PDPN: variants seen among roughly 807,000 people sequenced by gnomAD.
PDPN encodes podoplanin.
In PDPN, 12 loss-of-function variants were observed where a neutral mutation model predicts 23.2. The observed-to-expected ratio is 0.52, with a 90% confidence interval of 0.33 to 0.84. PDPN has a LOEUF of 0.84. PDPN is among the 40% of genes least tolerant of loss of function. The probability of loss-of-function intolerance (pLI) is 0.02; values close to 1 mark genes in which losing one functional copy is unlikely to be tolerated. For synonymous variants in PDPN, 77 were observed against 76.7 expected (o/e 1.00, Z -0.02); for missense variants, 199 against 212.2 (o/e 0.94, Z 0.39).
chr1:13,595,255 C>T (rs1640463827), intron 1 of PDPN, among the ~76,000 whole-genome samples: 2 of 152,164 alleles, frequency 1.3e-5, no homozygotes, highest in African/African-American at 4.8e-5. Context: ...TATCCTGTCC[C>T]TTCCTGATGG....
intron 1 of PDPN, among the ~76,000 whole-genome samples, chr1:13,588,302 C>A (rs1036807815): frequency 3.9e-5 from 6 of 152,054 alleles, no homozygotes; most frequent in African/African-American, 1.4e-4. Flanking sequence ...ATGCCAGATA[C>A]ACAGAGTGTA....
chr1:13,590,790 G>A (rs901802474), intron 1 of PDPN, among the ~76,000 whole-genome samples: 10 of 144,876 alleles, frequency 6.9e-5, no homozygotes, highest in African/African-American at 2.5e-4. Context: ...ATGAATGCTG[G>A]TTGTCAGAAG....
intron 1 of PDPN, among the ~76,000 whole-genome samples, chr1:13,592,543 AT>A (rs34176163): frequency 0.16 from 16,925 of 105,088 alleles, 870 homozygotes; most frequent in East Asian, 0.29. Context: ...TGAAAAGATG[AT>A]TTTTTTTTTT....
chr1:13,595,980 C>T (rs887978801), intron 1 of PDPN: 37 of 712,514 alleles, frequency 5.2e-5, no homozygotes, highest in Middle Eastern at 5.1e-4. Flanking sequence ...GGCAGATCAC[C>T]TGAGGTCAGG....
At chr1:13,596,807 G>T (rs1376023137) in intron 1 of PDPN, among the ~76,000 whole-genome samples, 2 of 152,132 alleles carry the variant, frequency 1.3e-5, no homozygotes, top group African/African-American at 4.8e-5. Context: ...TCTCCTGATT[G>T]CCGGAACCCA....
intron 1 of PDPN, 96 bp downstream of exon 1, chr1:13,584,196 A>G (rs557795298): frequency 2.8e-5 from 43 of 1,535,860 alleles, no homozygotes; most frequent in Admixed American, 5.7e-5. Context: ...GAGGTTGTCC[A>G]GGGGAGCGCG....
chr1:13,614,827 C>T (rs759442497), intron 5 of PDPN: 3 of 518,050 alleles, frequency 5.8e-6, no homozygotes, highest in African/African-American at 1.9e-5. Flanking sequence ...AAAAGGACTA[C>T]ATCTGAAGTT....
chr1:13,587,116 C>T (rs930269812), intron 1 of PDPN, among the ~76,000 whole-genome samples: 8 of 152,174 alleles, frequency 5.3e-5, no homozygotes, highest in African/African-American at 1.9e-4. Flanking sequence ...CACTTTAAGC[C>T]TCTTAAACGT....
chr1:13,587,368 G>A (rs1640207317), intron 1 of PDPN, among the ~76,000 whole-genome samples: 1 of 152,268 alleles, frequency 6.6e-6, no homozygotes, highest in South Asian at 2.1e-4. Flanking sequence ...CACCAGCAAA[G>A]CAATGAACAT....
At position 13,616,121 on chromosome 1, in the gene PDPN, A is replaced by G; in HGVS notation, c.*210A>G. ...TCCTCTAAACATTTGCTGTTCAAAC[A>G]TGTTTTTGAATATACATTCTATAAA... On this transcript the variant is annotated 3_prime_UTR_variant, in exon 6 of 6. Coordinates refer to ENST00000621990, the MANE Select transcript of PDPN (RefSeq NM_006474.5). The G allele has an allele frequency of 1.7e-6, 1 of 593,232 alleles. No homozygotes were observed. Among genetic ancestry groups the G allele is most frequent in the African/African-American group, 1.9e-5 (1 of 53,734 alleles). The allele number at this position is 593,232 out of a possible 1,614,324, so 36.7% of individuals were successfully genotyped here. A position where few individuals can be genotyped will look rare whatever the true frequency, so the allele number is the denominator to read the frequency against.
rs1641115291 is a variant in PDPN, at chr1:13,617,753, A to AT, written c.*1844dup. The AT allele has an allele frequency of 6.6e-6, 1 of 152,140 alleles. No homozygotes were observed. The highest frequency in any genetic ancestry group is 1.9e-4 in the East Asian group (1 of 5,158). The allele number at this position is 152,140 out of a possible 1,614,324, so 9.4% of individuals were successfully genotyped here. A position where few individuals can be genotyped will look rare whatever the true frequency, so the allele number is the denominator to read the frequency against. ...TGAGTTTAAATAACTCATTGTTCAGATTCCTGAACAGGAGTTGGGATAATG... is the reference window on the plus strand; with the variant it reads ...TGAGTTTAAATAACTCATTGTTCAGATTTCCTGAACAGGAGTTGGGATAATG... On this transcript the variant is annotated 3_prime_UTR_variant, in exon 6 of 6. Coordinates refer to ENST00000621990, the MANE Select transcript of PDPN (RefSeq NM_006474.5).
chr1:13,603,513 T>C (rs547614851), intron 1 of PDPN, among the ~76,000 whole-genome samples: 1 of 152,288 alleles, frequency 6.6e-6, no homozygotes, highest in Non-Finnish European at 1.5e-5. Flanking sequence ...CGTTTATTTG[T>C]TCTCAAAAAT....
intron 1 of PDPN, among the ~76,000 whole-genome samples, chr1:13,598,075 G>A (rs1246769799): frequency 1.3e-5 from 2 of 151,908 alleles, no homozygotes; most frequent in African/African-American, 2.4e-5. Flanking sequence ...GGAGTGCGTG[G>A]CACTATCTCG....
chr1:13,612,107 T>A (rs544868349), intron 3 of PDPN, among the ~76,000 whole-genome samples: 1 of 100,752 alleles, frequency 9.9e-6, no homozygotes, highest in South Asian at 4.0e-4. Flanking sequence ...TGTCACAAAA[T>A]TGCCCCTTCC....
At chr1:13,585,659 T>C (rs1194705852) in intron 1 of PDPN, 1 of 1,351,054 alleles carries the variant, frequency 7.4e-7, no homozygotes, top group South Asian at 1.1e-5. Flanking sequence ...AAAGATGGCG[T>C]TAAAACCGAA....
intron 1 of PDPN, among the ~76,000 whole-genome samples, chr1:13,601,687 C>G (rs1557543946): frequency 6.6e-6 from 1 of 152,148 alleles, no homozygotes; most frequent in Non-Finnish European, 1.5e-5. Flanking sequence ...AAAGATTTGT[C>G]TCAATGACAG....
chr1:13,612,190 G>C (rs1438333950), intron 3 of PDPN, among the ~76,000 whole-genome samples: 2 of 152,056 alleles, frequency 1.3e-5, no homozygotes, highest in African/African-American at 2.4e-5. Flanking sequence ...TTTCACATGT[G>C]AGCCAAAATG....
At position 13,583,919 on chromosome 1, in the gene PDPN, C is replaced by A. The variant is rs149456565; in HGVS notation, c.-115C>A. ...GGGCTCCTGCTCCCACCCCTCCGGC[C>A]CCCCCACCGTCGCGCTCCTCCAGGC... On this transcript the variant is annotated 5_prime_UTR_variant, in exon 1 of 6. Transcript: ENST00000621990. 33 of 1,612,370 alleles carry A rather than the reference C, an allele frequency of 2.0e-5. No homozygotes were observed. The African/African-American group carries it at 3.5e-4, about 17-fold the overall frequency.
rs1055573675 is a variant in PDPN at position 13,616,972 on chromosome 1, A to T, written c.*1061A>T. On this transcript the variant is annotated 3_prime_UTR_variant, in exon 6 of 6. Coordinates refer to ENST00000621990, the MANE Select transcript of PDPN (RefSeq NM_006474.5). ...ATACAGGGAACAAAAATCAATTTGT[A>T]CAGTCTTAATATTAAAAGCAGCTTG... 4 of 152,236 alleles carry T rather than the reference A, an allele frequency of 2.6e-5. No homozygotes were observed. The highest frequency in any genetic ancestry group is 6.5e-5 in the Admixed American group (1 of 15,282). 9.4% of individuals were successfully genotyped at this position (152,236 alleles called of 1,614,324 possible). A position where few individuals can be genotyped will look rare whatever the true frequency, so the allele number is the denominator to read the frequency against.
Sources: gnomAD v4.1 joint callset for allele counts (sites outside exome capture counted in the v4.1 genomes callset) on GRCh38, gnomAD v4.1.1 for gene constraint, MANE v1.5 for transcripts, NCBI Gene and HGNC (gene_info 2026-07-23, HGNC 2026-07-21) for gene names.